The following MIA2 variants were observed in gnomAD, a reference collection of about 807,000 sequenced individuals.
MIA2 encodes the protein melanoma inhibitory activity protein 2.
In MIA2, 127 loss-of-function variants were observed where a neutral mutation model predicts 167.8. The observed-to-expected ratio is 0.76, with a 90% CI of 0.66 to 0.88. MIA2 has a LOEUF of 0.88. MIA2 is among the 40% of genes least tolerant of loss of function. The pLI is 0.00. For missense variants in MIA2, 1,690 were observed against 1,624.7 expected (o/e 1.04, Z -0.69); for synonymous variants, 552 against 541.9 (o/e 1.02, Z -0.26).
intron 23 of MIA2, chr14:39,385,709 G>T: frequency 1.0e-6 from 1 of 992,442 alleles, no homozygotes; most frequent in Non-Finnish European, 1.6e-6. Context: ...AGTGGTAACA[G>T]ACTATAGTCC....
chr14:39,327,612 TC>T (rs1309982264), intron 25 of MIA2, among the ~76,000 whole-genome samples: 3 of 139,220 alleles, frequency 2.2e-5, no homozygotes, highest in Non-Finnish European at 3.2e-5. Context: ...AATGCTATCC[TC>T]CCCTGGCCCC....
At chr14:39,273,432 C>T (rs77778319) in intron 6 of MIA2, among the ~76,000 whole-genome samples, 13 of 151,792 alleles carry the variant, frequency 8.6e-5, no homozygotes, top group South Asian at 6.2e-4. Context: ...GATTCACTGC[C>T]GTCTCGACTT....
intron 2 of MIA2, among the ~76,000 whole-genome samples, 158 bp from the exon 3 acceptor site, chr14:39,240,403 G>T (rs2053986629): frequency 6.6e-6 from 1 of 152,182 alleles, no homozygotes; most frequent in African/African-American, 2.4e-5. Context: ...AATAACAAAA[G>T]AATATTATTT....
At chr14:39,331,763 A>C (rs2068934752) in intron 25 of MIA2, among the ~76,000 whole-genome samples, 1 of 152,006 alleles carries the variant, frequency 6.6e-6, no homozygotes, top group South Asian at 2.1e-4. Context: ...ATTCTTTAAG[A>C]ATATTGCATA....
intron 27 of MIA2, 67 bp downstream of exon 27, chr14:39,347,838 T>TTTTTTTTTTTTTTC (rs1555415318): frequency 7.4e-7 from 1 of 1,344,336 alleles, no homozygotes; most frequent in Non-Finnish European, 1.0e-6. Context: ...TTTTTTTTTT[T>TTTTTTTTTTTTTTC]TTTATGGAGT....
intron 25 of MIA2, among the ~76,000 whole-genome samples, chr14:39,332,782 A>G (rs565946226): frequency 6.6e-6 from 1 of 152,018 alleles, no homozygotes; most frequent in Non-Finnish European, 1.5e-5. Context: ...GAGATGAACC[A>G]GGTACCTCAG....
At chr14:39,291,129 G>A in intron 10 of MIA2, 33 bp downstream of exon 10, 3 of 1,543,894 alleles carry the variant, frequency 1.9e-6, no homozygotes, top group South Asian at 1.3e-5. Context: ...TTTAAAAGCT[G>A]GGGAAAAAAA....
intron 26 of MIA2, chr14:39,346,816 G>A: frequency 4.7e-6 from 1 of 213,530 alleles, no homozygotes; most frequent in South Asian, 6.5e-5. Context: ...ATGTTGTTGA[G>A]GCTGGTCTTG....
At chr14:39,291,323 T>G (rs1465062081) in intron 10 of MIA2, among the ~76,000 whole-genome samples, 1 of 152,154 alleles carries the variant, frequency 6.6e-6, no homozygotes, top group East Asian at 1.9e-4. Flanking sequence ...TTGTTTTGAG[T>G]CAGGCATGTT....
chr14:39,238,620 C>T (rs1412030512), intron 2 of MIA2, among the ~76,000 whole-genome samples: 9 of 151,430 alleles, frequency 5.9e-5, no homozygotes, highest in African/African-American at 2.2e-4. Flanking sequence ...CATGGCGAAA[C>T]CTCATCTCTA....
rs1595182965 is a variant in MIA2, at chr14:39,294,001, T to C, written c.2321T>C (p.Met774Thr). Reference sequence around the variant, plus strand: ...AATTGCCTGATACTGTGTTTCTAGATGGCGGATATTTCAAAAAGGATACAG... The same window carrying C: ...AATTGCCTGATACTGTGTTTCTAGACGGCGGATATTTCAAAAAGGATACAG... ...KSKHSEQDEL[M>T]ADISKRIQSL... The change falls in exon 12 of 29, where the codon ATG becomes ACG. Residue 774 changes from methionine (M) to threonine (T), a missense_variant and splice_region_variant. By Grantham distance (81) the Met-to-Thr change is moderately conservative (BLOSUM62 -1). Transcript: ENST00000640607. 1.9e-6 allele frequency: 3 copies of C among 1,607,230 alleles called. No homozygotes were observed. The highest frequency in any genetic ancestry group is 2.5e-6 in the Non-Finnish European group (3 of 1,176,862).
intron 25 of MIA2, among the ~76,000 whole-genome samples, chr14:39,335,400 T>A (rs548594518): frequency 4.3e-4 from 66 of 152,190 alleles, no homozygotes; most frequent in Non-Finnish European, 8.5e-4. Context: ...TTGGAAGAAG[T>A]GTTTTAGATT....
intron 28 of MIA2, 61 bp downstream of exon 28, chr14:39,349,038 A>G: frequency 6.5e-7 from 1 of 1,550,124 alleles, no homozygotes; most frequent in Non-Finnish European, 8.9e-7. Context: ...CGGAGATTTA[A>G]TTTTACTATC....
At chr14:39,275,649 T>C (rs955765086) in intron 6 of MIA2, among the ~76,000 whole-genome samples, 6 of 152,222 alleles carry the variant, frequency 3.9e-5, no homozygotes, top group African/African-American at 1.2e-4. Flanking sequence ...ATACATTAGC[T>C]AAAAGTAAGA....
At chr14:39,383,677 A>G (rs1020892238) in intron 23 of MIA2, among the ~76,000 whole-genome samples, 1 of 152,272 alleles carries the variant, frequency 6.6e-6, no homozygotes, top group African/African-American at 2.4e-5. Flanking sequence ...GAAGGAAAGT[A>G]TAGGTGCTAC....
intron 9 of MIA2, among the ~76,000 whole-genome samples, chr14:39,289,496 A>G (rs1355199083): frequency 2.0e-5 from 3 of 152,162 alleles, no homozygotes; most frequent in Non-Finnish European, 4.4e-5. Context: ...TACAGGTGTG[A>G]GCCACTGCGC....
rs145181852 is a variant in MIA2, at chr14:39,377,163, ATGT to A, written c.2249-9717_2249-9715del. On this transcript the variant is annotated intron_variant, in intron 23 of 23. Coordinates refer to the MIA2 transcript ENST00000341502. ...GTTTATTCCTAGACGAATAGGTCTCATGTTGTTAGGAAGCTAATTTTTTGGCAG... is the reference window on the plus strand; with the variant it reads ...GTTTATTCCTAGACGAATAGGTCTCATGTTAGGAAGCTAATTTTTTGGCAG... Among the ~76,000 whole-genome samples the A allele has an allele frequency of 4.2e-3, 633 of 151,820 alleles. 31 individuals carry two copies. The East Asian group carries it at 0.099, about 24-fold the overall frequency.
chr14:39,378,588 TC>T (rs1224013369), intron 23 of MIA2, among the ~76,000 whole-genome samples: 1 of 152,240 alleles, frequency 6.6e-6, no homozygotes, highest in Non-Finnish European at 1.5e-5. Context: ...TTTAGTTACT[TC>T]TTTGGCATAC....
intron 25 of MIA2, among the ~76,000 whole-genome samples, chr14:39,338,750 A>G (rs1391604014): frequency 6.6e-6 from 1 of 152,238 alleles, no homozygotes; most frequent in Non-Finnish European, 1.5e-5. Flanking sequence ...GTGTTTTCAT[A>G]TTTAGAATGA....
Sources: gnomAD v4.1 joint callset for allele counts (sites outside exome capture counted in the v4.1 genomes callset) on GRCh38, gnomAD v4.1.1 for gene constraint, MANE v1.5 for transcripts, NCBI Gene and HGNC (gene_info 2026-07-23, HGNC 2026-07-21) for gene names.